MCTP2: variants seen among roughly 807,000 people sequenced by gnomAD.
MCTP2 encodes multiple C2 and transmembrane domain containing 2.
Under a neutral mutation model 111.6 loss-of-function variants are expected in MCTP2, and 132 were observed. That is an observed-to-expected ratio of 1.18 (90% CI 1.03 to 1.37). The LOEUF is 1.37. MCTP2 is among the 40% of genes most tolerant of loss of function. The pLI is 0.00. For missense variants in MCTP2, 1,183 were observed against 1,067.9 expected (o/e 1.11, Z -1.50); for synonymous variants, 395 against 387.7 (o/e 1.02, Z -0.22).
chr15:94,415,765 C>G (rs1188913339), intron 17 of MCTP2, among the ~76,000 whole-genome samples: 1 of 152,028 alleles, frequency 6.6e-6, no homozygotes, highest in Non-Finnish European at 1.5e-5. Flanking sequence ...AAATGATACA[C>G]AGACACATTT....
At chr15:94,442,249 C>A (rs1281123424) in intron 18 of MCTP2, among the ~76,000 whole-genome samples, 1 of 152,164 alleles carries the variant, frequency 6.6e-6, no homozygotes, top group African/African-American at 2.4e-5. Context: ...CATTGCAGTG[C>A]TATGATCAAA....
At chr15:94,477,968 G>A (rs1194712399) in intron 22 of MCTP2, among the ~76,000 whole-genome samples, 2 of 152,180 alleles carry the variant, frequency 1.3e-5, no homozygotes, top group Non-Finnish European at 2.9e-5. Context: ...AAGGAATGGG[G>A]TGTTTTCTTC....
chr15:94,383,671 A>C (rs1036267636), intron 12 of MCTP2, among the ~76,000 whole-genome samples: 1 of 152,228 alleles, frequency 6.6e-6, no homozygotes, highest in Non-Finnish European at 1.5e-5. Flanking sequence ...CTCTACCATG[A>C]GAACAGTATG....
intron 2 of MCTP2, among the ~76,000 whole-genome samples, chr15:94,301,529 A>G (rs1596306168): frequency 1.3e-5 from 2 of 152,182 alleles, no homozygotes; most frequent in Non-Finnish European, 2.9e-5. Flanking sequence ...ATGGCTGGGG[A>G]GACACCTTTG....
intron 12 of MCTP2, among the ~76,000 whole-genome samples, chr15:94,380,110 G>C (rs1240274654): frequency 6.6e-6 from 1 of 151,944 alleles, no homozygotes. Flanking sequence ...GCTCTCGTCT[G>C]CATTTCACTG....
At chr15:94,242,950 C>A (rs77508275) in intron 1 of MCTP2, among the ~76,000 whole-genome samples, 6 of 82,212 alleles carry the variant, frequency 7.3e-5, no homozygotes, top group Non-Finnish European at 1.4e-4. Context: ...TATGTAGATA[C>A]ACATATACAC....
intron 2 of MCTP2, among the ~76,000 whole-genome samples, chr15:94,300,090 G>C (rs896496808): frequency 6.6e-6 from 1 of 152,122 alleles, no homozygotes; most frequent in African/African-American, 2.4e-5. Context: ...ATATAATAAA[G>C]TTAATCTTCG....
At chr15:94,302,784 G>T (rs531339096) in intron 2 of MCTP2, among the ~76,000 whole-genome samples, 47 of 152,216 alleles carry the variant, frequency 3.1e-4, no homozygotes, top group African/African-American at 1.1e-3. Context: ...TCATGTTTGT[G>T]GGGTCTTTTG....
chr15:94,300,457 C>T (rs2075553507), intron 2 of MCTP2, among the ~76,000 whole-genome samples: 1 of 147,880 alleles, frequency 6.8e-6, no homozygotes, highest in Admixed American at 6.8e-5. Context: ...CTGCAGTGAG[C>T]TAAGATCGCG....
chr15:94,334,205 TC>T lies in MCTP2; in HGVS notation c.638-5082del, dbSNP rs145205033. On this transcript the variant is annotated intron_variant, in intron 4 of 22. Coordinates refer to ENST00000357742, the MANE Select transcript of MCTP2 (RefSeq NM_001385001.1). ...TTGGATCATTCAGTTCTCAAAATGA[TC>T]CCTTGAAGTTGATAGTTTTCTATCT... Among the ~76,000 whole-genome samples, 726 of 152,320 alleles carry T rather than the reference TC, an allele frequency of 4.8e-3. 6 individuals are homozygous for T. Among genetic ancestry groups the T allele is most frequent in the African/African-American group, 0.015 (628 of 41,574 alleles).
At chr15:94,240,993 A>C (rs1362068362) in intron 1 of MCTP2, among the ~76,000 whole-genome samples, 1 of 152,184 alleles carries the variant, frequency 6.6e-6, no homozygotes, top group Non-Finnish European at 1.5e-5. Context: ...ATTAAGACAC[A>C]CTTATCAAAT....
At chr15:94,301,628 T>A (rs1267826285) in intron 2 of MCTP2, among the ~76,000 whole-genome samples, 1 of 152,244 alleles carries the variant, frequency 6.6e-6, no homozygotes, top group Non-Finnish European at 1.5e-5. Context: ...AAAACGATGA[T>A]AGCAACGTGT....
chr15:94,434,739 A>C (rs2083374447), intron 17 of MCTP2, among the ~76,000 whole-genome samples: 1 of 152,132 alleles, frequency 6.6e-6, no homozygotes, highest in Non-Finnish European at 1.5e-5. Context: ...CTTTTCACCA[A>C]CACTACTACT....
intron 1 of MCTP2, among the ~76,000 whole-genome samples, chr15:94,243,727 A>T (rs563053220): frequency 9.0e-6 from 1 of 111,648 alleles, no homozygotes; most frequent in African/African-American, 3.8e-5. Flanking sequence ...ATACACATAC[A>T]TATGTGTATA....
chr15:94,367,762 A>G lies in MCTP2; in HGVS notation c.1459A>G (p.Ser487Gly), dbSNP rs766478738. The change falls in exon 11 of 23, where the codon AGC becomes GGC. Residue 487 changes from serine to glycine, a missense_variant. By Grantham distance (56) the Ser-to-Gly change is moderately conservative. Transcript: ENST00000357742. ...DLCVCPLADL[S>G]ERKQITQRYC... ...GTGTGTCTGCCCCTTAGCAGACCTC[A>G]GCGAAAGAAAGCAGATTACCCAGCG... 6.2e-7 allele frequency: 1 copy of G among 1,604,530 alleles called. No homozygotes were observed. The highest frequency in any genetic ancestry group is 1.7e-5 in the Admixed American group (1 of 58,540).
rs549662442 is a variant in MCTP2 at position 94,248,155 on chromosome 15, A to G, written c.-66+16491A>G. On this transcript the variant is annotated intron_variant, in intron 1 of 22. Transcript: ENST00000357742. ...TGGGGTAGAACTTGTTAAGGAGGTG[A>G]TTCCTGATGTGGGACCTGAAAGAGC... Among the ~76,000 whole-genome samples the G allele has an allele frequency of 2.0e-5, 3 of 152,302 alleles. No individual in the cohort carries two copies. The South Asian group carries it at 6.2e-4, about 32-fold the overall frequency.
chr15:94,480,733 T>G lies in MCTP2; in HGVS notation c.*1699T>G, dbSNP rs891538039. Reference sequence around the variant, plus strand: ...GACATGTGAGATCTGATCAGTCATTTGAATGAAAACTTTCAGCAGCAAAAT... The same window carrying G: ...GACATGTGAGATCTGATCAGTCATTGGAATGAAAACTTTCAGCAGCAAAAT... On this transcript the variant is annotated 3_prime_UTR_variant, in exon 23 of 23. Coordinates refer to ENST00000357742, the MANE Select transcript of MCTP2 (RefSeq NM_001385001.1). The G allele has an allele frequency of 1.3e-5, 2 of 152,256 alleles. No individual in the cohort carries two copies. The highest frequency in any genetic ancestry group is 4.8e-5 in the African/African-American group (2 of 41,468). The allele number at this position is 152,256 out of a possible 1,614,324, so 9.4% of individuals were successfully genotyped here. A position where few individuals can be genotyped will look rare whatever the true frequency, so the allele number is the denominator to read the frequency against.
intron 17 of MCTP2, among the ~76,000 whole-genome samples, chr15:94,406,344 G>C (rs2081895032): frequency 6.6e-6 from 1 of 152,188 alleles, no homozygotes; most frequent in South Asian, 2.1e-4. Flanking sequence ...AGGCCATCTT[G>C]CTTTAGTCTG....
intron 17 of MCTP2, among the ~76,000 whole-genome samples, chr15:94,438,579 A>G (rs2083603564): frequency 6.6e-6 from 1 of 152,146 alleles, no homozygotes; most frequent in African/African-American, 2.4e-5. Context: ...GATGTCTTTA[A>G]ATGAAAAGGA....
Sources: gnomAD v4.1 joint callset for allele counts (sites outside exome capture counted in the v4.1 genomes callset) on GRCh38, gnomAD v4.1.1 for gene constraint, MANE v1.5 for transcripts, NCBI Gene and HGNC (gene_info 2026-07-23, HGNC 2026-07-21) for gene names.